TTC6: variants seen among roughly 807,000 people sequenced by gnomAD.
TTC6 encodes tetratricopeptide repeat domain 6, also known as tetratricopeptide repeat protein 6.
A neutral mutation model predicts 210.4 loss-of-function variants in TTC6; 172 were observed. The observed-to-expected ratio is 0.82, with a 90% CI of 0.72 to 0.93. TTC6 has a LOEUF of 0.93. Ranked by LOEUF, TTC6 falls within the 40% of genes least tolerant of loss-of-function variation. TTC6 has a pLI of 0.00. For missense variants in TTC6, 2,414 were observed against 2,318.1 expected (o/e 1.04, Z -0.85); for synonymous variants, 804 against 819.6 (o/e 0.98, Z 0.32).
At chr14:37,647,021 G>T (rs1372353207) in intron 1 of TTC6, among the ~76,000 whole-genome samples, 1 of 152,068 alleles carries the variant, frequency 6.6e-6, no homozygotes, top group African/African-American at 2.4e-5. Context: ...TATATCCTTG[G>T]CTCCTTCTTG....
chr14:37,767,248 C>A (rs58095007), intron 14 of TTC6, among the ~76,000 whole-genome samples: 6,406 of 152,154 alleles, frequency 0.042, 395 homozygotes, highest in African/African-American at 0.14. Flanking sequence ...TGAATAATGC[C>A]GCAGTAAACA....
chr14:37,836,077 G>A (rs2096197210), intron 29 of TTC6, among the ~76,000 whole-genome samples: 1 of 152,124 alleles, frequency 6.6e-6, no homozygotes, highest in African/African-American at 2.4e-5. Flanking sequence ...GTTCATTGAA[G>A]CCCATTCTGA....
chr14:37,737,670 C>T (rs1157569480), exon 9 of TTC6: 1 of 1,515,042 alleles, frequency 6.6e-7, no homozygotes, highest in South Asian at 1.2e-5. Flanking sequence ...TGTTTCTTAC[C>T]AAGAAAATCT....
exon 15 of TTC6, chr14:37,787,508 A>G (rs1380705708): frequency 6.5e-7 from 1 of 1,529,728 alleles, no homozygotes; most frequent in East Asian, 2.5e-5. Flanking sequence ...GAAATTTTAT[A>G]AAGAAGCAAC....
intron 1 of TTC6, among the ~76,000 whole-genome samples, chr14:37,640,897 A>G (rs1333375765): frequency 6.6e-6 from 1 of 152,176 alleles, no homozygotes; most frequent in African/African-American, 2.4e-5. Flanking sequence ...AGGCCTTAGA[A>G]TCTTGCTAAG....
chr14:37,690,831 CAAAG>C (rs1228675286), intron 3 of TTC6, among the ~76,000 whole-genome samples: 1 of 151,822 alleles, frequency 6.6e-6, no homozygotes, highest in Non-Finnish European at 1.5e-5. Flanking sequence ...AGAAATTCAA[CAAAG>C]AAACATCAGA....
chr14:37,618,666 C>T (rs1488919216), upstream of TTC6, among the ~76,000 whole-genome samples: 2 of 152,168 alleles, frequency 1.3e-5, no homozygotes, highest in Non-Finnish European at 2.9e-5. Flanking sequence ...CTTTGATGGA[C>T]TGGCCCATGA....
intron 29 of TTC6, among the ~76,000 whole-genome samples, chr14:37,829,777 G>C (rs1430502050): frequency 6.6e-6 from 1 of 152,006 alleles, no homozygotes; most frequent in Non-Finnish European, 1.5e-5. Flanking sequence ...GCTGACACTT[G>C]GGGAAATCCA....
chr14:37,767,913 C>T (rs77613283), intron 14 of TTC6, among the ~76,000 whole-genome samples: 42,373 of 131,682 alleles, frequency 0.32, 7,764 homozygotes, highest in Non-Finnish European at 0.41. Flanking sequence ...AGGTTTTCTT[C>T]TACGGTTTTT....
intron 14 of TTC6, among the ~76,000 whole-genome samples, chr14:37,761,749 T>C (rs1002933486): frequency 1.3e-5 from 2 of 152,240 alleles, no homozygotes; most frequent in African/African-American, 4.8e-5. Context: ...AATTGAATTA[T>C]ATGATAGTAT....
intron 14 of TTC6, among the ~76,000 whole-genome samples, chr14:37,761,004 C>T (rs1046775475): frequency 6.6e-6 from 1 of 152,108 alleles, no homozygotes; most frequent in Non-Finnish European, 1.5e-5. Flanking sequence ...GGCTTCAGCC[C>T]CCTTTCCAGG....
intron 3 of TTC6, among the ~76,000 whole-genome samples, chr14:37,695,170 G>A (rs1019595642): frequency 6.6e-6 from 1 of 151,514 alleles, no homozygotes; most frequent in African/African-American, 2.4e-5. Context: ...TCACTTATTT[G>A]TGGGATCTAA....
Position 37,832,724 on chromosome 14 carries a change from A to C in TTC6, c.5298+5358A>C, listed in dbSNP as rs527312459. ...TTTGTTGAGACTTGTTTTGTGTTTT[A>C]ATATGTGGCCTATCCTGGAGAATAT... On this transcript the variant is annotated intron_variant, in intron 29 of 30. Transcript: ENST00000553443. Among the ~76,000 whole-genome samples the C allele has an allele frequency of 2.6e-5, 4 of 152,194 alleles. No homozygotes were observed. In the East Asian group the frequency reaches 5.8e-4, roughly 22 times the overall value.
At chr14:37,831,971 C>G (rs2096186413) in intron 29 of TTC6, among the ~76,000 whole-genome samples, 1 of 152,062 alleles carries the variant, frequency 6.6e-6, no homozygotes, top group South Asian at 2.1e-4. Flanking sequence ...GCTTTTGTTG[C>G]CTGTGCTTTT....
intron 20 of TTC6, among the ~76,000 whole-genome samples, chr14:37,799,683 A>G (rs1478769055): frequency 3.9e-5 from 6 of 152,158 alleles, no homozygotes; most frequent in Non-Finnish European, 7.4e-5. Context: ...CATGGTAGGG[A>G]ACTGCTGTGG....
intron 25 of TTC6, among the ~76,000 whole-genome samples, chr14:37,813,336 A>C (rs12887758): frequency 0.068 from 10,335 of 152,260 alleles, 523 homozygotes; most frequent in South Asian, 0.13. Flanking sequence ...ACTAGGTATA[A>C]CCTCAGGTAG....
chr14:37,666,495 A>G (rs1284594077), intron 1 of TTC6, among the ~76,000 whole-genome samples: 1 of 149,668 alleles, frequency 6.7e-6, no homozygotes, highest in Non-Finnish European at 1.5e-5. Flanking sequence ...TATAGTTTCA[A>G]TATTCTTAAT....
intron 1 of TTC6, among the ~76,000 whole-genome samples, chr14:37,643,739 C>A (rs1254405407): frequency 6.6e-6 from 1 of 151,728 alleles, no homozygotes; most frequent in Non-Finnish European, 1.5e-5. Flanking sequence ...AAAGCCAGAC[C>A]TCATCATTTC....
intron 7 of TTC6, among the ~76,000 whole-genome samples, chr14:37,725,216 T>A (rs1595155305): frequency 6.8e-6 from 1 of 147,356 alleles, no homozygotes; most frequent in East Asian, 2.0e-4. Context: ...TACTTATAAA[T>A]TTATAATTTT....
Sources: gnomAD v4.1 joint callset for allele counts (sites outside exome capture counted in the v4.1 genomes callset) on GRCh38, gnomAD v4.1.1 for gene constraint, MANE v1.5 for transcripts, NCBI Gene and HGNC (gene_info 2026-07-23, HGNC 2026-07-21) for gene names.